MYH16: variants seen among roughly 807,000 people sequenced by gnomAD.
The protein encoded by MYH16 is putative uncharacterized protein MYH16.
At chr7:99,302,892 A>G (rs1351161329) in intron 38 of MYH16, among the ~76,000 whole-genome samples, 173 bp from the exon 20 acceptor site, 2 of 149,718 alleles carry the variant, frequency 1.3e-5, no homozygotes, top group African/African-American at 5.0e-5. Context: ...AAAAAAAAAA[A>G]AAAGAAAAAA....
At chr7:99,270,325 T>C (rs867886635) in intron 18 of MYH16, among the ~76,000 whole-genome samples, 2 of 143,706 alleles carry the variant, frequency 1.4e-5, no homozygotes, top group Admixed American at 1.4e-4. Context: ...AAAAAAAAAT[T>C]TTTTTTTTTT....
exon 22 of MYH16, chr7:99,279,657 T>A (rs1220365362): frequency 8.8e-6 from 4 of 456,234 alleles, no homozygotes; most frequent in Non-Finnish European, 1.8e-5. Flanking sequence ...CAAGCGCAAG[T>A]TGGAAGGGGA....
chr7:99,242,023 G>A (rs907409704), intron 1 of MYH16, among the ~76,000 whole-genome samples: 27 of 152,208 alleles, frequency 1.8e-4, no homozygotes, highest in African/African-American at 6.5e-4. Flanking sequence ...ACCACGCCCA[G>A]CTAATTTTTG....
chr7:99,256,104 C>T (rs979278449), intron 9 of MYH16, among the ~76,000 whole-genome samples: 20 of 151,808 alleles, frequency 1.3e-4, no homozygotes, highest in African/African-American at 4.8e-4. Flanking sequence ...CCTGATTTAT[C>T]TTTGCCTTCC....
intron 33 of MYH16, among the ~76,000 whole-genome samples, chr7:99,295,328 A>T (rs949815667): frequency 1.3e-5 from 2 of 150,554 alleles, no homozygotes; most frequent in East Asian, 4.0e-4. Flanking sequence ...CAGTGAGCCA[A>T]ATCGTGCCAC....
chr7:99,282,250 T>C (rs1490998783), intron 23 of MYH16, among the ~76,000 whole-genome samples: 2 of 152,168 alleles, frequency 1.3e-5, no homozygotes, highest in Non-Finnish European at 2.9e-5. Flanking sequence ...GGCCTCGAAC[T>C]CCTGACCTCA....
At chr7:99,302,361 CACAT>C (rs1329611459) in intron 38 of MYH16, among the ~76,000 whole-genome samples, 6 of 145,876 alleles carry the variant, frequency 4.1e-5, no homozygotes, top group Non-Finnish European at 7.5e-5. Flanking sequence ...CACACACACA[CACAT>C]CCCAACCTGG....
At chr7:99,267,830 CTG>C (rs1209757705) in intron 18 of MYH16, among the ~76,000 whole-genome samples, 1 of 152,214 alleles carries the variant, frequency 6.6e-6, no homozygotes, top group African/African-American at 2.4e-5. Flanking sequence ...CCACAACAAA[CTG>C]CACCCCAACA....
At chr7:99,277,158 A>C (rs1792125788) in intron 20 of MYH16, among the ~76,000 whole-genome samples, 1 of 151,976 alleles carries the variant, frequency 6.6e-6, no homozygotes. Flanking sequence ...CTCAGTAGGG[A>C]AGGAAGGAGG....
At chr7:99,275,133 A>G (rs1792094908) in intron 20 of MYH16, among the ~76,000 whole-genome samples, 1 of 152,030 alleles carries the variant, frequency 6.6e-6, no homozygotes, top group Non-Finnish European at 1.5e-5. Flanking sequence ...AGCTCAGACT[A>G]TAGGTGTGTG....
intron 9 of MYH16, among the ~76,000 whole-genome samples, chr7:99,256,905 C>G (rs1420769120): frequency 6.6e-6 from 1 of 152,070 alleles, no homozygotes; most frequent in Admixed American, 6.5e-5. Flanking sequence ...GAGCCATGAT[C>G]GTGCCACTGC....
chr7:99,277,916 TGAGAGA>T (rs36065407), intron 21 of MYH16, among the ~76,000 whole-genome samples: 108 of 132,322 alleles, frequency 8.2e-4, no homozygotes, highest in Middle Eastern at 3.6e-3. Context: ...TGTGTGTGTG[TGAGAGA>T]GAGAGAGAGA....
chr7:99,279,822 G>A, intron 22 of MYH16, 85 bp downstream of exon 4: 1 of 388,276 alleles, frequency 2.6e-6, no homozygotes, highest in South Asian at 1.9e-5. Flanking sequence ...GCTACACCCA[G>A]TGCCCTGACC....
downstream of MYH16, among the ~76,000 whole-genome samples, chr7:99,308,565 T>C (rs937351926): frequency 4.6e-5 from 7 of 152,078 alleles, no homozygotes; most frequent in Non-Finnish European, 7.3e-5. Context: ...TCCCAAAACA[T>C]GGTCCCGGGA....
intron 25 of MYH16, among the ~76,000 whole-genome samples, chr7:99,284,504 A>G (rs1792249185): frequency 6.6e-6 from 1 of 152,158 alleles, no homozygotes; most frequent in South Asian, 2.1e-4. Flanking sequence ...TGGGAGGATC[A>G]CTTAAGCCCA....
chr7:99,288,050 C>G (rs1792308624), exon 29 of MYH16: 1 of 456,610 alleles, frequency 2.2e-6, no homozygotes, highest in Non-Finnish European at 4.4e-6. Flanking sequence ...TGCAGAGGGT[C>G]AAGTCCAAGC....
At chr7:99,293,068 C>A (rs1186976711) in intron 32 of MYH16, among the ~76,000 whole-genome samples, 1 of 152,108 alleles carries the variant, frequency 6.6e-6, no homozygotes, top group Admixed American at 6.6e-5. Flanking sequence ...CTGGGTGTCC[C>A]TGGGCCCATG....
At chr7:99,276,169 C>T (rs926998713) in intron 20 of MYH16, among the ~76,000 whole-genome samples, 1 of 152,242 alleles carries the variant, frequency 6.6e-6, no homozygotes, top group Non-Finnish European at 1.5e-5. Context: ...AAGTGCTACA[C>T]AGCGGCAAAG....
chr7:99,290,915 C>T (rs1418969106), intron 30 of MYH16: 1 of 152,572 alleles, frequency 6.6e-6, no homozygotes, highest in African/African-American at 2.4e-5. Flanking sequence ...CTCTCAGGCT[C>T]ATGAACTTCT....
Sources: allele counts gnomAD v4.1 joint callset (sites outside exome capture counted in the v4.1 genomes callset), GRCh38; gene constraint gnomAD v4.1.1; transcripts MANE v1.5; gene names NCBI Gene and HGNC (gene_info 2026-07-23, HGNC 2026-07-21).